Variants in OIT3 observed in about 807,000 individuals in gnomAD.
OIT3 encodes oncoprotein induced transcript 3.
In OIT3, 41 loss-of-function variants were observed where a neutral mutation model predicts 52.2. The observed-to-expected ratio is 0.79, with a 90% CI of 0.61 to 1.02. The LOEUF is 1.02. Among genes scored for constraint, OIT3 ranks in the 50% least tolerant of loss-of-function variants. The probability of loss-of-function intolerance (pLI) is 0.00; values close to 1 mark genes in which losing one functional copy is unlikely to be tolerated. For missense variants in OIT3, 634 were observed against 715.5 expected (o/e 0.89, Z 1.30); for synonymous variants, 244 against 276.9 (o/e 0.88, Z 1.18).
In OIT3 at chr10:72,932,670, C is replaced by A. The variant is rs979914244; in HGVS notation, c.*146C>A. The A allele has an allele frequency of 1.8e-5, 12 of 683,960 alleles. No individual in the cohort carries two copies. The highest frequency in any genetic ancestry group is 4.8e-6 in the Non-Finnish European group (2 of 418,408). The allele number at this position is 683,960 out of a possible 1,614,324, so 42.4% of individuals were successfully genotyped here. On this transcript the variant is annotated 3_prime_UTR_variant, in exon 9 of 9. Transcript: ENST00000334011. ...CTCCCAGCACCAACTCACTCTGATT[C>A]TGGTCCATTCAGTGGGCACAGGTCA...
rs1564591271 is a variant in OIT3, at chr10:72,906,613, CA to C, written c.566del (p.Asn189ThrfsTer10). ...QTCFDENECE[Q>X]NNGGCSEICV... ...TTCTGCAGATGAAAATGAATGTGAGCAAAACAACGGTGGCTGCAGTGAGATC... is the reference window on the plus strand; with the variant it reads ...TTCTGCAGATGAAAATGAATGTGAGCAAACAACGGTGGCTGCAGTGAGATC... On this transcript the variant is annotated frameshift_variant, in exon 4 of 9. Transcript: ENST00000334011. LOFTEE classifies it high-confidence loss of function. 6.2e-7 allele frequency: 1 copy of C among 1,613,802 alleles called. No homozygotes were observed. The highest frequency in any genetic ancestry group is 8.5e-7 in the Non-Finnish European group (1 of 1,179,842).
chr10:72,900,903 A>T (rs1345853025), intron 3 of OIT3, among the ~76,000 whole-genome samples: 1 of 152,144 alleles, frequency 6.6e-6, no homozygotes, highest in Non-Finnish European at 1.5e-5. Context: ...ACTCATCTCT[A>T]CAAAAAATAT....
Position 72,898,719 on chromosome 10 carries a change from C to T in OIT3, c.117C>T (p.Asp39=). 1 of 1,613,908 alleles carries T rather than the reference C, an allele frequency of 6.2e-7. No individual in the cohort carries two copies. Among genetic ancestry groups the T allele is most frequent in the Non-Finnish European group, 8.5e-7 (1 of 1,179,820 alleles). ...TGAATGAGCCCTGGAGGAACACTGA[C>T]CACCAGTTGGATGAGTCTCAAGGTC... ...ISLNEPWRNT[D]HQLDESQGPP... The change falls in exon 2 of 9, where the codon GAC becomes GAT. Residue 39 remains aspartate, a synonymous_variant. Coordinates refer to ENST00000334011, the MANE Select transcript of OIT3 (RefSeq NM_152635.3).
chr10:72,927,123 A>G (rs1194481866), intron 7 of OIT3, among the ~76,000 whole-genome samples: 2 of 152,106 alleles, frequency 1.3e-5, no homozygotes, highest in Non-Finnish European at 2.9e-5. Flanking sequence ...TTAGTGAAGG[A>G]CCATTTTATT....
chr10:72,919,364 T>G lies in OIT3; in HGVS notation c.952-4865T>G, dbSNP rs140621024. On this transcript the variant is annotated intron_variant, in intron 6 of 8. Coordinates refer to ENST00000334011, the MANE Select transcript of OIT3 (RefSeq NM_152635.3). ...AGCTTTTGGGCTGAGATGATAGGGT[T>G]TTCTAGATATGGAATCTTGTCATCT... is the stretch of plus-strand genomic sequence containing the variant. Among the ~76,000 whole-genome samples, 345 of 152,312 alleles carry G rather than the reference T, an allele frequency of 2.3e-3. 1 individual carries two copies. Among genetic ancestry groups the G allele is most frequent in the African/African-American group, 8.2e-3 (341 of 41,562 alleles).
chr10:72,898,620 T>A lies in OIT3; in HGVS notation c.62-44T>A, dbSNP rs147076140. 3 of 1,548,672 alleles carry A rather than the reference T, an allele frequency of 1.9e-6. No individual in the cohort carries two copies. The East Asian group carries it at 6.8e-5, about 35-fold the overall frequency. ...TGGACTTGGGCTGTTGGTGGTGTGA[T>A]CCGAAACACTCCAGGTACTCTGAGG... On this transcript the variant is annotated intron_variant, in intron 1 of 8. Transcript: ENST00000334011.
At chr10:72,918,577 G>A in intron 6 of OIT3, 4 of 879,678 alleles carry the variant, frequency 4.5e-6, no homozygotes, top group Non-Finnish European at 7.6e-6. Context: ...GGCGGATGGA[G>A]ATAAACCACC....
rs746007822 is a variant in OIT3, at chr10:72,924,269, G to A, written c.992G>A (p.Gly331Asp). The change falls in exon 7 of 9, where the codon GGT becomes GAT. Residue 331 changes from glycine to aspartate, a missense_variant. Physicochemically the swap from Gly to Asp is moderately conservative, Grantham distance 94. Transcript: ENST00000334011. ...ATTGTGGCCAGCAACCTCGTGACAG[G>A]TCTACCCAAGCAGACCCCGGGGAGC... ...DKIVASNLVT[G>D]LPKQTPGSSG... 6 of 1,611,770 alleles carry A rather than the reference G, an allele frequency of 3.7e-6. No individual in the cohort carries two copies. In the Admixed American group the frequency reaches 8.3e-5, roughly 22 times the overall value.
intron 6 of OIT3, 59 bp downstream of exon 6, chr10:72,913,527 G>C (rs1846049079): frequency 1.5e-6 from 2 of 1,340,998 alleles, no homozygotes; most frequent in Non-Finnish European, 2.1e-6. Flanking sequence ...TTGGGAGGCA[G>C]TGGACAGAGG....
chr10:72,900,448 G>A lies in OIT3; in HGVS notation c.508G>A (p.Gly170Arg), dbSNP rs774809887. The change falls in exon 3 of 9, where the codon GGA becomes AGA. Residue 170 changes from glycine (G) to arginine (R), a missense_variant. Physicochemically the swap from Gly to Arg is moderately radical, Grantham distance 125. Coordinates refer to ENST00000334011, the MANE Select transcript of OIT3 (RefSeq NM_152635.3). ...SDTSECTCAP[G>R]TVLGPDRQTC... The stretch of plus-strand genomic sequence containing the variant: ...TACCAGCGAGTGCACATGCGCTCCA[G>A]GAACTGTGCTAGGCCCTGACAGGCA... 3 of 1,611,786 alleles carry A rather than the reference G, an allele frequency of 1.9e-6. No homozygotes were observed. The East Asian group carries it at 6.7e-5, about 36-fold the overall frequency.
intron 4 of OIT3, among the ~76,000 whole-genome samples, chr10:72,907,488 G>C (rs577189513): frequency 6.6e-6 from 1 of 152,144 alleles, no homozygotes; most frequent in Non-Finnish European, 1.5e-5. Flanking sequence ...ACCACTGGCC[G>C]ACAGCTGTGT....
rs775146826 is a variant in OIT3, at chr10:72,898,031, C to T, written c.62-633C>T. On this transcript the variant is annotated intron_variant, in intron 1 of 8. Coordinates refer to ENST00000334011, the MANE Select transcript of OIT3 (RefSeq NM_152635.3). ...GAGCACCAGATTCATGCCTGTAATC[C>T]CAACAGTTTGGGAGGCTGAGGCAGG... Among the ~76,000 whole-genome samples the T allele has an allele frequency of 4.8e-4, 73 of 151,792 alleles. 2 individuals carry two copies. The highest frequency in any genetic ancestry group is 1.2e-3 in the Admixed American group (19 of 15,232).
intron 8 of OIT3, among the ~76,000 whole-genome samples, chr10:72,932,012 C>T (rs1052499512): frequency 6.6e-6 from 1 of 152,202 alleles, no homozygotes; most frequent in Non-Finnish European, 1.5e-5. Flanking sequence ...ATCCCCAGAC[C>T]TTGGTGTGAA....
intron 6 of OIT3, chr10:72,917,990 A>G (rs1044331198): frequency 1.1e-5 from 9 of 812,456 alleles, no homozygotes; most frequent in Non-Finnish European, 1.9e-5. Context: ...CATCATTATC[A>G]TCATTATCTT....
chr10:72,906,699 T>G lies in OIT3; in HGVS notation c.648T>G (p.Ser216Arg). ...CECGVGRVLR[S>R]DGKTCEDVEG... ...GTGGGGTTGGCCGTGTGCTAAGAAGTGATGGCAAGACTTGTGAAGGTGAGA... is the reference window on the plus strand; with the variant it reads ...GTGGGGTTGGCCGTGTGCTAAGAAGGGATGGCAAGACTTGTGAAGGTGAGA... Residue 216 changes from serine (S) to arginine (R), a missense_variant, in exon 4 of 9, where the codon AGT becomes AGG. Coordinates refer to ENST00000334011, the MANE Select transcript of OIT3 (RefSeq NM_152635.3). 1 of 1,596,206 alleles carries G rather than the reference T, an allele frequency of 6.3e-7. No individual in the cohort carries two copies. Among genetic ancestry groups the G allele is most frequent in the Non-Finnish European group, 8.5e-7 (1 of 1,171,942 alleles).
chr10:72,907,885 A>G (rs1845994265), intron 4 of OIT3, among the ~76,000 whole-genome samples: 2 of 152,224 alleles, frequency 1.3e-5, no homozygotes, highest in Non-Finnish European at 2.9e-5. Flanking sequence ...CCATTATTAT[A>G]TGAAACTTAG....
chr10:72,916,798 G>T (rs921097643), intron 6 of OIT3, among the ~76,000 whole-genome samples: 1 of 152,134 alleles, frequency 6.6e-6, no homozygotes, highest in Non-Finnish European at 1.5e-5. Context: ...CCCACCAACA[G>T]TGTAAAAACA....
intron 4 of OIT3, among the ~76,000 whole-genome samples, chr10:72,907,543 C>G (rs1270081869): frequency 1.3e-5 from 2 of 152,190 alleles, no homozygotes; most frequent in African/African-American, 2.4e-5. Context: ...GGCTTTTACG[C>G]TTAGCCCCTC....
In OIT3 at chr10:72,932,417, C is replaced by G; in HGVS notation, c.1531C>G (p.Gln511Glu). ...GTTGGACGAGCGTTCCCGCTGTGCCCAGGGTTGCCACCGGCGAATGCGTCG... is the reference window on the plus strand; with the variant it reads ...GTTGGACGAGCGTTCCCGCTGTGCCGAGGGTTGCCACCGGCGAATGCGTCG... ...GVLDERSRCAQGCHRRMRRGA... is the reference protein window; with the variant it reads ...GVLDERSRCAEGCHRRMRRGA... Residue 511 changes from glutamine (Q) to glutamate (E), a missense_variant, in exon 9 of 9, where the codon CAG becomes GAG. Coordinates refer to ENST00000334011, the MANE Select transcript of OIT3 (RefSeq NM_152635.3). 2 of 1,614,180 alleles carry G rather than the reference C, an allele frequency of 1.2e-6. No individual in the cohort carries two copies. The highest frequency in any genetic ancestry group is 2.2e-5 in the South Asian group (2 of 91,084).
Sources: allele counts gnomAD v4.1 joint callset (sites outside exome capture counted in the v4.1 genomes callset), GRCh38; gene constraint gnomAD v4.1.1; transcripts MANE v1.5; gene names NCBI Gene and HGNC (gene_info 2026-07-23, HGNC 2026-07-21).